Variants in SGCD observed in about 807,000 individuals in gnomAD.
SGCD encodes delta-sarcoglycan.
A neutral mutation model predicts 36.6 loss-of-function variants in SGCD; 18 were observed. The ratio of observed to expected loss-of-function variants is 0.49; its 90% CI spans 0.34 to 0.73. SGCD has a LOEUF of 0.73. SGCD is among the 30% of genes least tolerant of loss of function. The pLI is 0.01. For synonymous variants in SGCD, 133 were observed against 130.6 expected, an observed-to-expected ratio of 1.02 and a Z score of -0.12; for missense variants, 387 against 346.7, an observed-to-expected ratio of 1.12 and a Z score of -0.92.
At chr5:156,615,043 A>C (rs757250440) in intron 6 of SGCD, among the ~76,000 whole-genome samples, 6 of 152,216 alleles carry the variant, frequency 3.9e-5, no homozygotes, top group Non-Finnish European at 8.8e-5. Context: ...TAATTACCAA[A>C]ATGTAAAGTT....
intron 3 of SGCD, among the ~76,000 whole-genome samples, chr5:156,418,981 A>G (rs1043996229): frequency 3.9e-5 from 6 of 152,300 alleles, no homozygotes; most frequent in African/African-American, 1.4e-4. Context: ...GGCTCTAGAC[A>G]TATATAGTAA....
chr5:156,111,209 C>G (rs1761777612), intron 1 of SGCD, among the ~76,000 whole-genome samples: 1 of 152,050 alleles, frequency 6.6e-6, no homozygotes, highest in Admixed American at 6.6e-5. Flanking sequence ...TCTTCTATTT[C>G]CAGTATTCTC....
chr5:156,728,279 T>C (rs1251045349), intron 7 of SGCD, among the ~76,000 whole-genome samples: 1 of 151,956 alleles, frequency 6.6e-6, no homozygotes, highest in African/African-American at 2.4e-5. Flanking sequence ...CTCTCTCTCC[T>C]CCCATGTTCA....
chr5:156,453,819 G>C (rs1754133284), intron 3 of SGCD, among the ~76,000 whole-genome samples: 1 of 152,146 alleles, frequency 6.6e-6, no homozygotes, highest in Non-Finnish European at 1.5e-5. Flanking sequence ...CAAGACCATG[G>C]ATTAATCTCC....
At chr5:155,782,290 G>T in the SGCD span, among the ~76,000 whole-genome samples, 1 of 151,996 alleles carries the variant, frequency 6.6e-6, no homozygotes, top group Non-Finnish European at 1.5e-5. Context: ...TTCTCAAAGT[G>T]CTGGGATTAC....
intron 7 of SGCD, among the ~76,000 whole-genome samples, chr5:156,673,594 C>A (rs1168036398): frequency 6.6e-6 from 1 of 152,172 alleles, no homozygotes; most frequent in East Asian, 1.9e-4. Flanking sequence ...CCTTGCCTGG[C>A]ATCTGGGCTC....
At chr5:155,837,640 C>T in the SGCD span, among the ~76,000 whole-genome samples, 1 of 152,160 alleles carries the variant, frequency 6.6e-6, no homozygotes, top group Non-Finnish European at 1.5e-5. Context: ...CATGCACAAG[C>T]CCCTTCAGGT....
intron 1 of SGCD, among the ~76,000 whole-genome samples, chr5:156,060,679 T>A (rs1053898659): frequency 6.9e-6 from 1 of 145,890 alleles, no homozygotes; most frequent in Admixed American, 6.9e-5. Context: ...GGAGGCCCTA[T>A]GAAGAATTTG....
intron 4 of SGCD, among the ~76,000 whole-genome samples, chr5:156,550,996 C>G (rs1055351242): frequency 2.0e-5 from 3 of 152,178 alleles, no homozygotes; most frequent in African/African-American, 7.2e-5. Context: ...TTGGCTGTCT[C>G]AGTCTTCCAA....
intron 3 of SGCD, among the ~76,000 whole-genome samples, chr5:156,480,199 G>T (rs1755363739): frequency 6.6e-6 from 1 of 152,182 alleles, no homozygotes; most frequent in Non-Finnish European, 1.5e-5. Context: ...CTACCTAACA[G>T]CTCTGCCTTG....
chr5:156,479,522 G>T, intron 3 of SGCD, among the ~76,000 whole-genome samples: 1 of 152,144 alleles, frequency 6.6e-6, no homozygotes, highest in East Asian at 1.9e-4. Flanking sequence ...CCCAACCTCT[G>T]TAGGCATTTG....
At chr5:156,504,872 A>G (rs563621987) in intron 3 of SGCD, among the ~76,000 whole-genome samples, 164 of 152,330 alleles carry the variant, frequency 1.1e-3, no homozygotes, top group Non-Finnish European at 2.1e-3. Flanking sequence ...TACCCCAAAT[A>G]TAATCTTTTA....
chr5:156,424,938 C>T (rs923312956), intron 3 of SGCD, among the ~76,000 whole-genome samples: 9 of 152,006 alleles, frequency 5.9e-5, no homozygotes, highest in Non-Finnish European at 7.4e-5. Context: ...AGGCTGGCCA[C>T]GTAGGCAGCC....
At chr5:156,423,429 A>T (rs7448162) in intron 3 of SGCD, among the ~76,000 whole-genome samples, 63,639 of 88,700 alleles carry the variant, frequency 0.72, 22,374 homozygotes, top group Middle Eastern at 0.85. Context: ...TATTTTAATA[A>T]AATATAATAT....
intron 6 of SGCD, among the ~76,000 whole-genome samples, chr5:156,606,407 C>G (rs1006393169): frequency 4.6e-5 from 7 of 152,102 alleles, no homozygotes; most frequent in Admixed American, 4.6e-4. Context: ...TGGTCTATAT[C>G]TCTGTTTTGG....
intron 3 of SGCD, among the ~76,000 whole-genome samples, chr5:156,484,099 A>G (rs1413027366): frequency 6.6e-6 from 1 of 152,202 alleles, no homozygotes; most frequent in Non-Finnish European, 1.5e-5. Context: ...ACCTAAGGGA[A>G]ATTACTCTGT....
chr5:155,943,357 G>T (rs1352145077), intron 1 of SGCD, among the ~76,000 whole-genome samples: 4 of 150,986 alleles, frequency 2.6e-5, no homozygotes, highest in Non-Finnish European at 4.4e-5. Flanking sequence ...CTGCTTTATT[G>T]GTGAAATTTA....
At chr5:156,526,918 G>A (rs1432160492) in intron 4 of SGCD, among the ~76,000 whole-genome samples, 2 of 152,220 alleles carry the variant, frequency 1.3e-5, no homozygotes, top group East Asian at 3.8e-4. Context: ...TACTAGAAAT[G>A]TAAGAGTTAC....
At chr5:156,497,376 G>A (rs142195026) in intron 3 of SGCD, among the ~76,000 whole-genome samples, 2 of 152,220 alleles carry the variant, frequency 1.3e-5, no homozygotes, top group African/African-American at 4.8e-5. Context: ...AATCCCCATT[G>A]TTTGATTTAC....
Sources: gnomAD v4.1 joint callset for allele counts (sites outside exome capture counted in the v4.1 genomes callset) on GRCh38, gnomAD v4.1.1 for gene constraint, MANE v1.5 for transcripts, NCBI Gene and HGNC (gene_info 2026-07-23, HGNC 2026-07-21) for gene names.